The following TMED5 variants were observed in gnomAD, a reference collection of about 807,000 sequenced individuals.
TMED5 encodes transmembrane emp24 domain-containing protein 5.
A neutral mutation model predicts 23.0 loss-of-function variants in TMED5; 27 were observed. The ratio of observed to expected loss-of-function variants is 1.17; its 90% CI spans 0.86 to 1.62. The LOEUF (loss-of-function observed/expected upper bound fraction) is 1.62, where lower values mean the gene tolerates loss of function less well. Among genes scored for constraint, TMED5 ranks in the 40% most tolerant of loss-of-function variants. The pLI is 0.00. For missense variants in TMED5, 248 were observed against 273.7 expected (o/e 0.91, Z 0.66); for synonymous variants, 97 against 100.8 (o/e 0.96, Z 0.23).
At chr1:93,158,880 A>G in intron 2 of TMED5, 1 of 948,424 alleles carries the variant, frequency 1.1e-6, no homozygotes. Flanking sequence ...TTTACTTCTT[A>G]TACACCTATC....
chr1:93,166,347 C>A (rs1402781044), intron 1 of TMED5, among the ~76,000 whole-genome samples: 3 of 152,156 alleles, frequency 2.0e-5, no homozygotes, highest in Non-Finnish European at 4.4e-5. Flanking sequence ...CCAAACTGTT[C>A]TCCATAGTGG....
At chr1:93,174,010 T>C (rs1648821011) in intron 1 of TMED5, among the ~76,000 whole-genome samples, 1 of 151,840 alleles carries the variant, frequency 6.6e-6, no homozygotes, top group South Asian at 2.1e-4. Flanking sequence ...CAGGCTGGAG[T>C]GCAGCAGCAC....
intron 1 of TMED5, among the ~76,000 whole-genome samples, chr1:93,176,766 A>C (rs6658017): frequency 0.025 from 3,802 of 152,296 alleles, 135 homozygotes; most frequent in African/African-American, 0.081. Flanking sequence ...CCTGTGCTTG[A>C]GTGATCCTCC....
In TMED5 at chr1:93,152,982, G is replaced by A. The variant is rs139758702; in HGVS notation, c.*1688C>T. ...AAATCTAAGCTGCTCTTCTCCCAGG[G>A]GCCTAAGAGGGAAATGTATCTCTTT... On this transcript the variant is annotated 3_prime_UTR_variant, in exon 4 of 4. Transcript: ENST00000370282. 1 of 152,504 alleles carries A rather than the reference G, an allele frequency of 6.6e-6. No individual in the cohort carries two copies. Among genetic ancestry groups the A allele is most frequent in the African/African-American group, 2.4e-5 (1 of 41,498 alleles). The allele number at this position is 152,504 out of a possible 1,614,324, so 9.4% of individuals were successfully genotyped here.
intron 3 of TMED5, 33 bp downstream of exon 3, chr1:93,156,264 TTAA>T (rs767119778): frequency 1.3e-6 from 2 of 1,569,908 alleles, no homozygotes; most frequent in Non-Finnish European, 1.8e-6. Flanking sequence ...CCTCTGGCTG[TTAA>T]TAATTTTTAT....
chr1:93,162,341 A>T (rs1038827471), intron 1 of TMED5: 2 of 152,328 alleles, frequency 1.3e-5, no homozygotes, highest in African/African-American at 4.8e-5. Flanking sequence ...TCATGCCTGT[A>T]ATCCCAGCAC....
At chr1:93,156,081 G>C in intron 3 of TMED5, 2 of 1,453,812 alleles carry the variant, frequency 1.4e-6, no homozygotes, top group Non-Finnish European at 1.8e-6. Context: ...TTTATAATAG[G>C]GTCCTGGAAG....
intron 1 of TMED5, among the ~76,000 whole-genome samples, chr1:93,167,342 A>C (rs1440291824): frequency 6.6e-6 from 1 of 152,122 alleles, no homozygotes; most frequent in African/African-American, 2.4e-5. Context: ...GAATCTGTAG[A>C]TTGCTTTGGG....
At chr1:93,156,823 A>AG (rs917235626) in intron 2 of TMED5, among the ~76,000 whole-genome samples, 5 of 151,304 alleles carry the variant, frequency 3.3e-5, no homozygotes, top group African/African-American at 1.2e-4. Context: ...AAAAAAAAAA[A>AG]AAAAAGAAAC....
intron 3 of TMED5, 157 bp downstream of exon 3, chr1:93,156,143 A>G (rs1175371374): frequency 6.2e-6 from 7 of 1,133,560 alleles, no homozygotes; most frequent in Non-Finnish European, 7.5e-6. Flanking sequence ...AATAAAATTA[A>G]GCTGATACTT....
chr1:93,175,505 A>G (rs572769408), intron 1 of TMED5, among the ~76,000 whole-genome samples: 3 of 151,276 alleles, frequency 2.0e-5, no homozygotes, highest in Non-Finnish European at 4.4e-5. Context: ...AAATACTCAA[A>G]AGACATTTTT....
At chr1:93,177,164 TACAA>T (rs1395659739) in intron 1 of TMED5, among the ~76,000 whole-genome samples, 1 of 152,128 alleles carries the variant, frequency 6.6e-6, no homozygotes, top group Non-Finnish European at 1.5e-5. Context: ...AGTTGGGAAA[TACAA>T]ACAGGGTGGA....
chr1:93,171,177 C>T (rs888161272), intron 1 of TMED5, among the ~76,000 whole-genome samples: 5 of 151,850 alleles, frequency 3.3e-5, no homozygotes, highest in African/African-American at 9.7e-5. Flanking sequence ...CCAGGAGGAA[C>T]GAACAACTCC....
chr1:93,157,028 T>C (rs761371565), intron 2 of TMED5, among the ~76,000 whole-genome samples: 2 of 152,132 alleles, frequency 1.3e-5, no homozygotes, highest in Non-Finnish European at 2.9e-5. Context: ...TGGAAAAGGA[T>C]AGAATTAAAA....
At chr1:93,168,814 G>A (rs1156906912) in intron 1 of TMED5, among the ~76,000 whole-genome samples, 1 of 152,172 alleles carries the variant, frequency 6.6e-6, no homozygotes, top group Non-Finnish European at 1.5e-5. Context: ...GAGCCTGGGC[G>A]ACAGAGCGAG....
chr1:93,157,906 C>T (rs1321788608), intron 2 of TMED5, among the ~76,000 whole-genome samples: 14 of 152,164 alleles, frequency 9.2e-5, no homozygotes, highest in Middle Eastern at 3.4e-3. Context: ...AGGCAGATCA[C>T]GAGGTCAGGA....
chr1:93,176,530 CAT>C (rs948611707), intron 1 of TMED5, among the ~76,000 whole-genome samples: 1 of 143,202 alleles, frequency 7.0e-6, no homozygotes, highest in Non-Finnish European at 1.6e-5. Flanking sequence ...CACACACAAA[CAT>C]ATATATATAT....
intron 1 of TMED5, among the ~76,000 whole-genome samples, chr1:93,170,616 G>C (rs1431077838): frequency 1.3e-5 from 2 of 152,230 alleles, no homozygotes; most frequent in African/African-American, 4.8e-5. Context: ...GAGTGCAGGC[G>C]CACGGCATGG....
intron 1 of TMED5, among the ~76,000 whole-genome samples, chr1:93,169,383 A>G (rs1648617315): frequency 6.6e-6 from 1 of 152,214 alleles, no homozygotes; most frequent in African/African-American, 2.4e-5. Context: ...AATACAACCT[A>G]ACAAAAATTT....
Sources: allele counts gnomAD v4.1 joint callset (sites outside exome capture counted in the v4.1 genomes callset), GRCh38; gene constraint gnomAD v4.1.1; transcripts MANE v1.5; gene names NCBI Gene and HGNC (gene_info 2026-07-23, HGNC 2026-07-21).